Variants in ZDHHC21 observed in about 807,000 individuals in gnomAD.
The protein encoded by ZDHHC21 is palmitoyltransferase ZDHHC21.
A neutral mutation model predicts 34.6 loss-of-function variants in ZDHHC21; 15 were observed. The ratio of observed to expected loss-of-function variants is 0.43; its 90% CI spans 0.29 to 0.67. ZDHHC21 has a LOEUF of 0.67. Among genes scored for constraint, ZDHHC21 ranks in the 30% least tolerant of loss-of-function variants. The probability of loss-of-function intolerance (pLI) is 0.14; values close to 1 mark genes in which losing one functional copy is unlikely to be tolerated. For synonymous variants in ZDHHC21, 142 were observed against 101.8 expected (o/e 1.40, Z -2.38); for missense variants, 344 against 327.7 (o/e 1.05, Z -0.38).
chr9:14,597,973 G>A, the ZDHHC21 span, among the ~76,000 whole-genome samples: 1 of 152,082 alleles, frequency 6.6e-6, no homozygotes, highest in South Asian at 2.1e-4. Flanking sequence ...CCAGCTCACT[G>A]CCACCGCAAC....
intron 8 of ZDHHC21, among the ~76,000 whole-genome samples, chr9:14,627,373 T>C (rs188263749): frequency 2.6e-5 from 4 of 152,308 alleles, no homozygotes; most frequent in Non-Finnish European, 5.9e-5. Flanking sequence ...AGCCAGTATT[T>C]AGGGGGGAAA....
intron 2 of ZDHHC21, among the ~76,000 whole-genome samples, chr9:14,687,948 C>T (rs1838587968): frequency 6.6e-6 from 1 of 150,772 alleles, no homozygotes; most frequent in South Asian, 2.1e-4. Flanking sequence ...AGCAGAGTTA[C>T]AGCTGTAAAC....
rs111696241 is a variant in ZDHHC21, at chr9:14,648,127, G to A, written c.505-8115C>T. Among the ~76,000 whole-genome samples the A allele has an allele frequency of 1.1e-4, 17 of 152,076 alleles. No homozygotes were observed. The East Asian group carries it at 1.4e-3, about 12-fold the overall frequency. ...GTGAAGCCCTGGAAATATCCTTGAC[G>A]TTTCGCATTCTATCTCACAGCCCAC... On this transcript the variant is annotated intron_variant, in intron 7 of 9. Coordinates refer to ENST00000380916, the MANE Select transcript of ZDHHC21 (RefSeq NM_178566.6).
At chr9:14,592,108 TA>T in the ZDHHC21 span, among the ~76,000 whole-genome samples, 2 of 152,180 alleles carry the variant, frequency 1.3e-5, no homozygotes, top group African/African-American at 4.8e-5. Flanking sequence ...GTGTCTTATA[TA>T]TTTTTTTCTC....
At chr9:14,660,273 G>T (rs1833114705) in intron 6 of ZDHHC21, among the ~76,000 whole-genome samples, 2 of 148,498 alleles carry the variant, frequency 1.3e-5, no homozygotes. Context: ...GGCTGAGGCA[G>T]GAGAATCACT....
intron 7 of ZDHHC21, among the ~76,000 whole-genome samples, chr9:14,644,901 AG>A (rs758979025): frequency 6.6e-6 from 1 of 151,976 alleles, no homozygotes; most frequent in African/African-American, 2.4e-5. Flanking sequence ...TTTATTTCAT[AG>A]GAAAAAACAA....
intron 2 of ZDHHC21, among the ~76,000 whole-genome samples, chr9:14,689,636 G>A (rs1838876205): frequency 6.6e-6 from 1 of 152,182 alleles, no homozygotes; most frequent in East Asian, 1.9e-4. Context: ...TATTAATACT[G>A]CTAACACTAT....
At chr9:14,640,444 A>G (rs781068049) in intron 7 of ZDHHC21, among the ~76,000 whole-genome samples, 1 of 152,128 alleles carries the variant, frequency 6.6e-6, no homozygotes, top group Non-Finnish European at 1.5e-5. Flanking sequence ...AGCATGATTC[A>G]TATTACTAAA....
intron 7 of ZDHHC21, among the ~76,000 whole-genome samples, chr9:14,656,478 G>C (rs1165764029): frequency 6.6e-6 from 1 of 151,730 alleles, no homozygotes; most frequent in African/African-American, 2.4e-5. Flanking sequence ...AAAACATTGA[G>C]ATAATATATC....
At chr9:14,651,283 T>C (rs1831193183) in intron 7 of ZDHHC21, among the ~76,000 whole-genome samples, 2 of 151,918 alleles carry the variant, frequency 1.3e-5, no homozygotes, top group African/African-American at 2.4e-5. Flanking sequence ...GATATTATGA[T>C]GTTTAGTATT....
At chr9:14,666,111 G>A (rs1006109623) in intron 5 of ZDHHC21, among the ~76,000 whole-genome samples, 15 of 146,568 alleles carry the variant, frequency 1.0e-4, no homozygotes, top group East Asian at 4.2e-4. Flanking sequence ...CCCATCTCAC[G>A]TGCAGAGACA....
At chr9:14,596,430 G>C in the ZDHHC21 span, among the ~76,000 whole-genome samples, 2 of 152,166 alleles carry the variant, frequency 1.3e-5, no homozygotes, top group African/African-American at 4.8e-5. Context: ...ACCTGGAAAT[G>C]GGTGGCATCC....
At chr9:14,664,305 T>A (rs879275409) in intron 5 of ZDHHC21, among the ~76,000 whole-genome samples, 2 of 152,100 alleles carry the variant, frequency 1.3e-5, no homozygotes, top group Non-Finnish European at 2.9e-5. Flanking sequence ...TCAGACCGGC[T>A]TAAGAAACGG....
At chr9:14,593,314 C>T in the ZDHHC21 span, among the ~76,000 whole-genome samples, 3 of 152,208 alleles carry the variant, frequency 2.0e-5, no homozygotes, top group South Asian at 6.2e-4. Flanking sequence ...GAGAGGACAT[C>T]ACTACTGACA....
intron 2 of ZDHHC21, among the ~76,000 whole-genome samples, chr9:14,680,788 C>T (rs1587440444): frequency 6.6e-6 from 1 of 152,264 alleles, no homozygotes. Context: ...TGGAGGCAGA[C>T]TAGCAAACAG....
intron 2 of ZDHHC21, among the ~76,000 whole-genome samples, chr9:14,689,364 T>A (rs556814772): frequency 1.3e-5 from 2 of 152,326 alleles, no homozygotes; most frequent in East Asian, 3.9e-4. Context: ...AAAGAATGTA[T>A]AATGCAAGCA....
intron 8 of ZDHHC21, among the ~76,000 whole-genome samples, chr9:14,631,483 T>C (rs183807901): frequency 2.6e-5 from 4 of 152,342 alleles, no homozygotes; most frequent in South Asian, 2.1e-4. Context: ...CACTTTCTTA[T>C]CATTTGTACG....
intron 5 of ZDHHC21, among the ~76,000 whole-genome samples, chr9:14,664,775 G>A (rs1834099952): frequency 6.6e-6 from 1 of 151,682 alleles, no homozygotes; most frequent in African/African-American, 2.4e-5. Context: ...CAACAGACCT[G>A]CAGCTGAGGG....
chr9:14,690,230 G>A lies in ZDHHC21; in HGVS notation c.-176+107C>T. 2 of 393,240 alleles carry A rather than the reference G, an allele frequency of 5.1e-6. 1 individual carries two copies. Among genetic ancestry groups the A allele is most frequent in the South Asian group, 3.9e-5 (2 of 51,828 alleles). The allele number at this position is 393,240 out of a possible 1,614,324, so 24.4% of individuals were successfully genotyped here. A position where few individuals can be genotyped will look rare whatever the true frequency, so the allele number is the denominator to read the frequency against. On this transcript the variant is annotated intron_variant, in intron 2 of 9. Coordinates refer to ENST00000380916, the MANE Select transcript of ZDHHC21 (RefSeq NM_178566.6). ...GTACCCACCACACCAAGAGAGATTG[G>A]TGGGGGGTTGGGGGTAGAAGACTAA...
Sources: allele counts gnomAD v4.1 joint callset (sites outside exome capture counted in the v4.1 genomes callset), GRCh38; gene constraint gnomAD v4.1.1; transcripts MANE v1.5; gene names NCBI Gene and HGNC (gene_info 2026-07-23, HGNC 2026-07-21).